The following GPR158 variants were observed in gnomAD, a reference collection of about 807,000 sequenced individuals.
GPR158 encodes metabotropic glycine receptor.
In GPR158, 30 loss-of-function variants were observed where a neutral mutation model predicts 78.2. The ratio of observed to expected loss-of-function variants is 0.38; its 90% confidence interval spans 0.29 to 0.52. GPR158 has a LOEUF of 0.52. Among genes scored for constraint, GPR158 ranks in the 20% least tolerant of loss-of-function variants. The probability of loss-of-function intolerance (pLI) is 0.83; values close to 1 mark genes in which losing one functional copy is unlikely to be tolerated. For synonymous variants in GPR158, 581 were observed against 591.1 expected (o/e 0.98, Z 0.25); for missense variants, 1,463 against 1,523.5 (o/e 0.96, Z 0.66).
intron 1 of GPR158, among the ~76,000 whole-genome samples, chr10:25,197,079 A>G (rs912231934): frequency 6.6e-6 from 1 of 152,180 alleles, no homozygotes; most frequent in Non-Finnish European, 1.5e-5. Flanking sequence ...TCCCTCTTGT[A>G]CGTACTTCCT....
At chr10:25,522,006 C>T (rs965088591) in intron 5 of GPR158, among the ~76,000 whole-genome samples, 2 of 152,144 alleles carry the variant, frequency 1.3e-5, no homozygotes, top group African/African-American at 2.4e-5. Context: ...TCATAAATAA[C>T]CTCTGAGATG....
At chr10:25,549,509 G>A (rs1252964574) in intron 5 of GPR158, among the ~76,000 whole-genome samples, 2 of 151,802 alleles carry the variant, frequency 1.3e-5, no homozygotes, top group Non-Finnish European at 2.9e-5. Context: ...ATTAAATCCT[G>A]AAGGAAAATA....
rs572201644 is a variant in GPR158 at position 25,179,941 on chromosome 10, T to G, written c.902+3619T>G. Among the ~76,000 whole-genome samples, 5 of 152,338 alleles carry G rather than the reference T, an allele frequency of 3.3e-5. No homozygotes were observed. The South Asian group carries it at 1.0e-3, about 32-fold the overall frequency. ...GCATAATGATTTTTCTTCGTGGGAC[T>G]TAAAGTACTATGGAGTTGGATCCCA... On this transcript the variant is annotated intron_variant, in intron 1 of 10. Coordinates refer to ENST00000376351, the MANE Select transcript of GPR158 (RefSeq NM_020752.3).
At chr10:25,361,959 A>C (rs146012389) in intron 2 of GPR158, among the ~76,000 whole-genome samples, 31 of 152,060 alleles carry the variant, frequency 2.0e-4, no homozygotes, top group African/African-American at 6.7e-4. Flanking sequence ...CCTTCAGTGC[A>C]CAAAACTTTT....
chr10:25,251,602 G>C (rs1283787841), intron 2 of GPR158, among the ~76,000 whole-genome samples: 1 of 150,166 alleles, frequency 6.7e-6, no homozygotes, highest in East Asian at 2.0e-4. Flanking sequence ...TGAAATTCTG[G>C]GTTGAAAATT....
chr10:25,498,644 C>T (rs138162094), intron 5 of GPR158, among the ~76,000 whole-genome samples: 270 of 152,214 alleles, frequency 1.8e-3, no homozygotes, highest in African/African-American at 6.3e-3. Context: ...ATTTGTAAAC[C>T]TGGGCTTTCT....
At chr10:25,463,712 C>T (rs541552314) in intron 4 of GPR158, among the ~76,000 whole-genome samples, 71 of 152,036 alleles carry the variant, frequency 4.7e-4, no homozygotes, top group African/African-American at 1.5e-3. Flanking sequence ...TTTCAACCAC[C>T]GCCCCCACCC....
intron 2 of GPR158, among the ~76,000 whole-genome samples, chr10:25,348,176 C>A (rs866979421): frequency 6.6e-6 from 1 of 151,766 alleles, no homozygotes; most frequent in South Asian, 2.1e-4. Context: ...GATGTATGAT[C>A]GGTAGGTTAT....
At chr10:25,440,471 C>T (rs2130588045) in intron 4 of GPR158, among the ~76,000 whole-genome samples, 1 of 152,266 alleles carries the variant, frequency 6.6e-6, no homozygotes, top group African/African-American at 2.4e-5. Context: ...ATAATAGCAC[C>T]CTTCTAATGG....
intron 2 of GPR158, among the ~76,000 whole-genome samples, chr10:25,354,961 C>G (rs1420115634): frequency 6.6e-6 from 1 of 151,950 alleles, no homozygotes; most frequent in Non-Finnish European, 1.5e-5. Flanking sequence ...CTATTTGCTT[C>G]TTTTCTCTAG....
chr10:25,297,397 A>T (rs771572464), intron 2 of GPR158, among the ~76,000 whole-genome samples: 7 of 151,814 alleles, frequency 4.6e-5, no homozygotes, highest in Non-Finnish European at 1.0e-4. Context: ...TAAGCAAATG[A>T]GTGAATCAGG....
intron 6 of GPR158, among the ~76,000 whole-genome samples, chr10:25,555,254 T>C (rs1174747319): frequency 6.6e-6 from 1 of 152,108 alleles, no homozygotes; most frequent in Non-Finnish European, 1.5e-5. Flanking sequence ...CTCAATTCTG[T>C]GAAGAAAGTC....
At chr10:25,468,881 T>C (rs1198885482) in intron 5 of GPR158, among the ~76,000 whole-genome samples, 1 of 152,092 alleles carries the variant, frequency 6.6e-6, no homozygotes, top group Non-Finnish European at 1.5e-5. Context: ...ATGCAAACAA[T>C]GATAATACAA....
chr10:25,477,726 A>G (rs758073943), intron 5 of GPR158, among the ~76,000 whole-genome samples: 1 of 152,188 alleles, frequency 6.6e-6, no homozygotes, highest in African/African-American at 2.4e-5. Context: ...TAACATTACT[A>G]TTGGGAACAC....
chr10:25,424,223 G>A (rs1233695408), intron 4 of GPR158, among the ~76,000 whole-genome samples: 1 of 152,102 alleles, frequency 6.6e-6, no homozygotes, highest in East Asian at 1.9e-4. Context: ...ACTTTTTGAT[G>A]GGGTTGTTTG....
intron 1 of GPR158, among the ~76,000 whole-genome samples, chr10:25,189,787 TA>T (rs151230094): frequency 1.4e-4 from 18 of 130,578 alleles, no homozygotes; most frequent in East Asian, 4.4e-4. Context: ...AAGTATAATT[TA>T]AAAAAAAAAC....
At chr10:25,250,524 G>T (rs1188280336) in intron 2 of GPR158, among the ~76,000 whole-genome samples, 2 of 145,524 alleles carry the variant, frequency 1.4e-5, no homozygotes, top group Admixed American at 6.8e-5. Context: ...CTTTGTTCTC[G>T]TTGGTTTCAA....
chr10:25,549,731 G>A (rs772090877), intron 5 of GPR158, among the ~76,000 whole-genome samples: 31 of 152,006 alleles, frequency 2.0e-4, no homozygotes, highest in Admixed American at 5.9e-4. Flanking sequence ...ATGTCTTTGT[G>A]TAGTAGAAAT....
chr10:25,452,043 G>T (rs1378932144), intron 4 of GPR158, among the ~76,000 whole-genome samples: 1 of 145,328 alleles, frequency 6.9e-6, no homozygotes, highest in African/African-American at 2.5e-5. Context: ...TTTGGTTTTT[G>T]TTTTTGTTTT....
Sources: allele counts gnomAD v4.1 joint callset (sites outside exome capture counted in the v4.1 genomes callset), GRCh38; gene constraint gnomAD v4.1.1; transcripts MANE v1.5; gene names NCBI Gene and HGNC (gene_info 2026-07-23, HGNC 2026-07-21).